The following ATAD2 variants were observed in gnomAD, a reference collection of about 807,000 sequenced individuals.
The protein encoded by ATAD2 is ATPase family AAA domain containing 2.
In ATAD2, 62 loss-of-function variants were observed where a neutral mutation model predicts 168.9. The ratio of observed to expected loss-of-function variants is 0.37; its 90% CI spans 0.30 to 0.45. The LOEUF is 0.45. ATAD2 is among the 20% of genes least tolerant of loss of function. ATAD2 has a pLI of 1.00. For missense variants in ATAD2, 1,419 were observed against 1,667.8 expected, an observed-to-expected ratio of 0.85 and a Z score of 2.60; for synonymous variants, 613 against 571.6, an observed-to-expected ratio of 1.07 and a Z score of -1.03.
chr8:123,361,002 C>A (rs1223928810), intron 9 of ATAD2, among the ~76,000 whole-genome samples: 1 of 150,842 alleles, frequency 6.6e-6, no homozygotes, highest in Non-Finnish European at 1.5e-5. Context: ...TGACCAGAAC[C>A]ACTGTGGGCC....
At position 123,372,092 on chromosome 8, in the gene ATAD2, C is replaced by T. The variant is rs546030986; in HGVS notation, c.371-257G>A. Among the ~76,000 whole-genome samples, 148 of 152,234 alleles carry T rather than the reference C, an allele frequency of 9.7e-4. 1 individual carries two copies. The South Asian group carries it at 0.024, about 25-fold the overall frequency. On this transcript the variant is annotated intron_variant, in intron 3 of 27. Transcript: ENST00000287394. The stretch of plus-strand genomic sequence containing the variant: ...ACTTGTACATGAATGTTCAAAGCAG[C>T]TTTGTGATAGCCCCAAACCAGAAAC...
In ATAD2 at chr8:123,402,116, T is replaced by C. The variant is rs1286272736; in HGVS notation, c.-2281-941A>G. On this transcript the variant is annotated intron_variant, in intron 1 of 28. Transcript: ENST00000521903. This position sits in a 1 kb window ranked among gnomAD's most constrained non-coding sequence, Gnocchi z 4.8. ...GGAGAAGCGGCTGTACTGACAGCAG[T>C]GGAGGCCGAGGTGGTGGAGGGGGCA... 1.4e-5 allele frequency: 13 copies of C among 951,272 alleles called. No individual in the cohort carries two copies. The South Asian group carries it at 1.5e-4, about 11-fold the overall frequency. 58.9% of individuals were successfully genotyped at this position (951,272 alleles called of 1,614,324 possible). A position where few individuals can be genotyped will look rare whatever the true frequency, so the allele number is the denominator to read the frequency against.
At position 123,361,565 on chromosome 8, in the gene ATAD2, T is replaced by C; in HGVS notation, c.1131A>G (p.Lys377=). The change falls in exon 9 of 28, where the codon AAA becomes AAG. Residue 377 remains lysine, a synonymous_variant. Coordinates refer to ENST00000287394, the MANE Select transcript of ATAD2 (RefSeq NM_014109.4). ...TATTGATAGCCCTATTACGACTCCT[T>C]TTCCTCCGCCTCTCAAAGTGCTGTT... ...EDEQHFERRR[K]RSRNRAINRC... 6.2e-7 allele frequency: 1 copy of C among 1,613,402 alleles called. No individual in the cohort carries two copies.
Position 123,357,607 on chromosome 8 carries a change from T to C in ATAD2, c.1512A>G (p.Lys504=). 6.2e-7 allele frequency: 1 copy of C among 1,614,006 alleles called. No individual in the cohort carries two copies. Among genetic ancestry groups the C allele is most frequent in the Non-Finnish European group, 8.5e-7 (1 of 1,179,972 alleles). ...GCTGTCTTTCAGATTCTCCTACCCA[T>C]TTACTTAGACAATCAGCACCTTTCC... ...FMRKGADCLS[K]WVGESERQLR... Residue 504 remains lysine (K), a synonymous_variant, in exon 12 of 28, where the codon AAA becomes AAG. Coordinates refer to ENST00000287394, the MANE Select transcript of ATAD2 (RefSeq NM_014109.4).
chr8:123,410,097 G>T (rs10089561), intron 1 of ATAD2, among the ~76,000 whole-genome samples: 136,761 of 152,036 alleles, frequency 0.9, 61,628 homozygotes, highest in East Asian at 0.99. Context: ...CTCTGTTATT[G>T]ATCTCTCTTC....
chr8:123,343,344 T>C lies in ATAD2; in HGVS notation c.2718+1540A>G. ...CTGTAACCTACCCATACTCTTTTGG[T>C]ACCCCTTAGCTAAATCTTTCTCCAC... On this transcript the variant is annotated intron_variant, in intron 19 of 27. Coordinates refer to ENST00000287394, the MANE Select transcript of ATAD2 (RefSeq NM_014109.4). Among the ~76,000 whole-genome samples the C allele has an allele frequency of 1.3e-5, 2 of 152,128 alleles. 1 individual carries two copies. The highest frequency in any genetic ancestry group is 4.1e-4 in the South Asian group (2 of 4,832).
upstream of ATAD2, chr8:123,400,767 G>A (rs1209096000): frequency 1.4e-5 from 11 of 806,290 alleles, 1 homozygote; most frequent in Non-Finnish European, 2.2e-5. This position sits in a 1 kb window ranked among gnomAD's most constrained non-coding sequence, Gnocchi z 4.5. Flanking sequence ...TGAAGACGCC[G>A]CTGATCTCCT....
chr8:123,377,091 C>CAAAAAAAAAAAAA (rs58655606), intron 2 of ATAD2, among the ~76,000 whole-genome samples: 1,666 of 27,232 alleles, frequency 0.061, 544 homozygotes, highest in East Asian at 0.15. Flanking sequence ...GACTCCGTCT[C>CAAAAAAAAAAAAA]AAAAAAAAAA....
chr8:123,346,864 A>G (rs1189074325), intron 16 of ATAD2, 114 bp from the exon 17 acceptor site: 9 of 1,222,868 alleles, frequency 7.4e-6, no homozygotes, highest in Non-Finnish European at 9.2e-6. Context: ...AATCAAAAAT[A>G]TTTGTGTAGA....
In ATAD2 at chr8:123,380,531, T is replaced by G. The variant is rs1461431728; in HGVS notation, c.318A>C (p.Thr106=). ...AGTGTTCAACCACCTTGTATTACCT[T>G]GTAAAATGCCTGCCATTAGCAAGTT... is the stretch of plus-strand genomic sequence containing the variant. ...TEQLANGRHF[T]RQLARQQADK... Residue 106 remains threonine, a splice_region_variant and synonymous_variant, in exon 2 of 28, where the codon ACA becomes ACC. Coordinates refer to ENST00000287394, the MANE Select transcript of ATAD2 (RefSeq NM_014109.4). The G allele has an allele frequency of 2.5e-6, 4 of 1,613,910 alleles. No homozygotes were observed. Among genetic ancestry groups the G allele is most frequent in the Non-Finnish European group, 3.4e-6 (4 of 1,179,866 alleles).
intron 1 of ATAD2, among the ~76,000 whole-genome samples, chr8:123,412,551 G>C (rs1813174546): frequency 6.6e-6 from 1 of 152,072 alleles, no homozygotes; most frequent in Non-Finnish European, 1.5e-5. Context: ...TTTTGCTTCA[G>C]CCTCCTGGGT....
chr8:123,395,682 T>G (rs374867289), intron 1 of ATAD2, among the ~76,000 whole-genome samples: 19 of 152,208 alleles, frequency 1.2e-4, no homozygotes, highest in East Asian at 5.8e-4. Flanking sequence ...TATTATTCAC[T>G]GCGCTGTTAT....
chr8:123,407,328 T>C (rs1813081102), intron 1 of ATAD2, among the ~76,000 whole-genome samples: 1 of 152,250 alleles, frequency 6.6e-6, no homozygotes, highest in Non-Finnish European at 1.5e-5. Flanking sequence ...ATGTATATAG[T>C]ACAGTTGGTC....
Position 123,390,753 on chromosome 8 carries a change from C to A in ATAD2, c.171+5434G>T, listed in dbSNP as rs550477473. On this transcript the variant is annotated intron_variant, in intron 1 of 27. Coordinates refer to ENST00000287394, the MANE Select transcript of ATAD2 (RefSeq NM_014109.4). ...TGTAGGTAAACAACCCAAAAGTAGGCCAGGCGCAGTGGCTCACGCCTGTAA... is the reference window on the plus strand; with the variant it reads ...TGTAGGTAAACAACCCAAAAGTAGGACAGGCGCAGTGGCTCACGCCTGTAA... Among the ~76,000 whole-genome samples the A allele has an allele frequency of 4.1e-4, 63 of 152,264 alleles. No homozygotes were observed. In the South Asian group the frequency reaches 0.011, roughly 28 times the overall value.
At chr8:123,334,679 T>C (rs574134596) in intron 22 of ATAD2, among the ~76,000 whole-genome samples, 1 of 152,174 alleles carries the variant, frequency 6.6e-6, no homozygotes, top group African/African-American at 2.4e-5. Flanking sequence ...TGTGAAAGAA[T>C]TTTGCAAGAG....
intron 19 of ATAD2, among the ~76,000 whole-genome samples, chr8:123,343,060 C>T (rs1263251933): frequency 1.3e-5 from 2 of 151,548 alleles, no homozygotes; most frequent in African/African-American, 4.9e-5. Context: ...TCTTGGCTCA[C>T]TACAAACCCC....
intron 18 of ATAD2, 59 bp from the exon 19 acceptor site, chr8:123,345,128 C>T: frequency 6.8e-7 from 1 of 1,460,172 alleles, no homozygotes. Context: ...AATGCTAGTT[C>T]TATTAGTCTG....
intron 11 of ATAD2, among the ~76,000 whole-genome samples, chr8:123,358,856 G>A (rs1317672042): frequency 1.4e-5 from 2 of 147,320 alleles, no homozygotes; most frequent in African/African-American, 5.0e-5. Context: ...AGCGCACGCC[G>A]CCAGGCCTGG....
At chr8:123,373,890 C>G (rs928587577) in intron 2 of ATAD2, among the ~76,000 whole-genome samples, 1 of 151,406 alleles carries the variant, frequency 6.6e-6, no homozygotes, top group Non-Finnish European at 1.5e-5. Context: ...ATCTGTTAAT[C>G]AACCTATGTA....
Sources: gnomAD v4.1 joint callset for allele counts (sites outside exome capture counted in the v4.1 genomes callset) on GRCh38, gnomAD v4.1.1 for gene constraint, Gnocchi (gnomAD v3.1) non-coding constraint, MANE v1.5 for transcripts, NCBI Gene and HGNC (gene_info 2026-07-23, HGNC 2026-07-21) for gene names.